Variants in RAP1GAP2 observed in about 807,000 individuals in gnomAD.
The protein encoded by RAP1GAP2 is rap1 GTPase-activating protein 2.
In RAP1GAP2, 27 loss-of-function variants were observed where a neutral mutation model predicts 95.0. That is an observed-to-expected ratio of 0.28 (90% confidence interval 0.21 to 0.39). The LOEUF is 0.39. Among genes scored for constraint, RAP1GAP2 ranks in the 10% least tolerant of loss-of-function variants. The probability of loss-of-function intolerance (pLI) is 1.00; values close to 1 mark genes in which losing one functional copy is unlikely to be tolerated. For missense variants in RAP1GAP2, 771 were observed against 970.0 expected, an observed-to-expected ratio of 0.79 and a Z score of 2.72; for synonymous variants, 373 against 380.9, an observed-to-expected ratio of 0.98 and a Z score of 0.24.
At chr17:3,013,627 C>CT (rs71377568) in intron 17 of RAP1GAP2, among the ~76,000 whole-genome samples, 13,997 of 73,950 alleles carry the variant, frequency 0.19, 1,634 homozygotes, top group East Asian at 0.26. Flanking sequence ...CTTTTCTTTT[C>CT]TTTTCTTTTT....
At chr17:2,759,822 G>A (rs973843350) in intron 1 of RAP1GAP2, among the ~76,000 whole-genome samples, 4 of 152,128 alleles carry the variant, frequency 2.6e-5, no homozygotes, top group African/African-American at 9.7e-5. Flanking sequence ...CCTGGCTCAA[G>A]TGATGCATTT....
Position 2,886,775 on chromosome 17 carries a change from C to G in RAP1GAP2, c.81-18509C>G, listed in dbSNP as rs1294215146. On this transcript the variant is annotated intron_variant, in intron 2 of 24. Coordinates refer to ENST00000254695, the MANE Select transcript of RAP1GAP2 (RefSeq NM_015085.5). ...CCAGTGGCTCAGCACACCAGAGCGGCAGGGGTCGGGGAGTGGGACTGAGGC... is the reference window on the plus strand; with the variant it reads ...CCAGTGGCTCAGCACACCAGAGCGGGAGGGGTCGGGGAGTGGGACTGAGGC... Among the ~76,000 whole-genome samples the G allele has an allele frequency of 3.3e-5, 5 of 152,238 alleles. No individual in the cohort carries two copies. In the East Asian group the frequency reaches 9.7e-4, roughly 29 times the overall value.
At chr17:2,905,229 G>A in intron 2 of RAP1GAP2, 55 bp from the exon 3 acceptor site, 1 of 1,520,734 alleles carries the variant, frequency 6.6e-7, no homozygotes, top group Admixed American at 1.7e-5. Flanking sequence ...ACTCTTGGAG[G>A]AGAGAAGGGA....
In RAP1GAP2 at chr17:2,965,272, C is replaced by G. The variant is rs1409995860; in HGVS notation, c.493-268C>G. 8.4e-6 allele frequency: 4 copies of G among 478,470 alleles called. No individual in the cohort carries two copies. The Admixed American group carries it at 1.4e-4, about 17-fold the overall frequency. 29.6% of individuals were successfully genotyped at this position (478,470 alleles called of 1,614,324 possible). A position where few individuals can be genotyped will look rare whatever the true frequency, so the allele number is the denominator to read the frequency against. ...TTAACCCCCCGACCATTGGTTTTCCCATCTGTGAAATGGGGATGATGTTCT... is the reference window on the plus strand; with the variant it reads ...TTAACCCCCCGACCATTGGTTTTCCGATCTGTGAAATGGGGATGATGTTCT... On this transcript the variant is annotated intron_variant, in intron 7 of 24. Transcript: ENST00000254695. The surrounding 1 kb of genome is among the most constrained non-coding windows in gnomAD (Gnocchi z 4.7).
chr17:2,905,311 T>C lies in RAP1GAP2; in HGVS notation c.108T>C (p.Asp36=), dbSNP rs767023247. The change falls in exon 3 of 25, where the codon GAT becomes GAC. Residue 36 remains aspartate (D), a synonymous_variant. Transcript: ENST00000254695. ...AGCAGGAGCTGGCCAACAGCTCGGA[T>C]GCGACCCTCCCAGACCGGCCGCTCT... ...VKKQELANSS[D]ATLPDRPLSP... 3 of 1,613,852 alleles carry C rather than the reference T, an allele frequency of 1.9e-6. No individual in the cohort carries two copies. In the Admixed American group the frequency reaches 5.0e-5, roughly 27 times the overall value.
intron 19 of RAP1GAP2, among the ~76,000 whole-genome samples, chr17:3,025,738 G>C (rs2151657932): frequency 6.6e-6 from 1 of 152,250 alleles, no homozygotes; most frequent in East Asian, 1.9e-4. Context: ...ATCTGGGCTA[G>C]AGGCCGTCAA....
intron 3 of RAP1GAP2, among the ~76,000 whole-genome samples, chr17:2,916,595 C>G (rs537870374): frequency 1.3e-5 from 2 of 152,120 alleles, no homozygotes; most frequent in Admixed American, 6.6e-5. Context: ...TTCAACAGGT[C>G]GCTTCATCTC....
At position 2,870,275 on chromosome 17, in the gene RAP1GAP2, C is replaced by T. The variant is rs373875707; in HGVS notation, c.81-35009C>T. Among the ~76,000 whole-genome samples, 28 of 152,002 alleles carry T rather than the reference C, an allele frequency of 1.8e-4. 1 individual carries two copies. Among genetic ancestry groups the T allele is most frequent in the Admixed American group, 1.2e-3 (19 of 15,236 alleles). ...GGGATTACAGGCGCCCACCACCACACCTGGCTAATTTTTTTGTATTTTTAG... is the reference window on the plus strand; with the variant it reads ...GGGATTACAGGCGCCCACCACCACATCTGGCTAATTTTTTTGTATTTTTAG... On this transcript the variant is annotated intron_variant, in intron 2 of 24. Transcript: ENST00000254695. This position sits in a 1 kb window ranked among gnomAD's most constrained non-coding sequence, Gnocchi z 4.4.
chr17:2,974,863 A>G lies in RAP1GAP2; in HGVS notation c.597-5424A>G, dbSNP rs181423590. On this transcript the variant is annotated intron_variant, in intron 8 of 24. Transcript: ENST00000254695. ...AAAGAAAGCAAAAAACAAAACATCA[A>G]TTGAAGGTAGGAAAGGAAGAGAAAA... Among the ~76,000 whole-genome samples the G allele has an allele frequency of 4.3e-3, 659 of 152,340 alleles. 6 individuals are homozygous for G. Among genetic ancestry groups the G allele is most frequent in the African/African-American group, 0.015 (612 of 41,572 alleles).
At chr17:2,771,355 G>C (rs115704296) in intron 2 of RAP1GAP2, among the ~76,000 whole-genome samples, 2 of 152,064 alleles carry the variant, frequency 1.3e-5, no homozygotes, top group Admixed American at 1.3e-4. Flanking sequence ...CACTGGACAC[G>C]TATGGCCAGC....
In RAP1GAP2 at chr17:3,018,119, C is replaced by T. The variant is rs374406416; in HGVS notation, c.1553C>T (p.Ser518Leu). The change falls in exon 18 of 25, where the codon TCG becomes TTG. Residue 518 changes from serine to leucine, a missense_variant. Ser to Leu is a moderately radical substitution (Grantham distance 145). Coordinates refer to ENST00000254695, the MANE Select transcript of RAP1GAP2 (RefSeq NM_015085.5). ...METMVGGQKK[S>L]HSGGIPGSLS... Reference sequence around the variant, plus strand: ...ACCATGGTGGGCGGCCAGAAGAAGTCGCACAGTGGGGGCATCCCTGGCAGC... The same window carrying T: ...ACCATGGTGGGCGGCCAGAAGAAGTTGCACAGTGGGGGCATCCCTGGCAGC... 90 of 1,590,432 alleles carry T rather than the reference C, an allele frequency of 5.7e-5. 2 individuals carry two copies. Among genetic ancestry groups the T allele is most frequent in the African/African-American group, 2.8e-4 (21 of 74,298 alleles).
At chr17:2,893,233 G>T (rs756878578) in intron 2 of RAP1GAP2, among the ~76,000 whole-genome samples, 10 of 151,982 alleles carry the variant, frequency 6.6e-5, no homozygotes, top group Non-Finnish European at 1.3e-4. Flanking sequence ...TAGAGACGTG[G>T]TTTCTCCATG....
intron 2 of RAP1GAP2, among the ~76,000 whole-genome samples, chr17:2,834,030 C>T (rs929564055): frequency 5.3e-5 from 8 of 152,104 alleles, no homozygotes; most frequent in East Asian, 1.9e-4. Flanking sequence ...GGTGGACTCT[C>T]GGCCTCTGAA....
chr17:2,922,836 T>G (rs1016667074), intron 3 of RAP1GAP2, among the ~76,000 whole-genome samples: 21 of 150,474 alleles, frequency 1.4e-4, no homozygotes, highest in East Asian at 9.7e-4. Context: ...GTTTTTGTTT[T>G]TTTTTTTTTT....
Position 3,005,426 on chromosome 17 carries a change from C to T in RAP1GAP2, c.1258C>T (p.Pro420Ser), listed in dbSNP as rs2046301597. ...PTFGPPLPSP[P>S]VFQKGPEFRE... ...CTTTGGTCCACCTCTGCCCAGTCCC[C>T]CCGTTTTCCAGAAGGTAGGACACTC... Residue 420 changes from proline to serine, a missense_variant, in exon 15 of 25, where the codon CCC becomes TCC. Physicochemically the swap from Pro to Ser is moderately conservative, Grantham distance 74 (BLOSUM62 -1). Transcript: ENST00000254695. The surrounding 1 kb of genome is among the most constrained non-coding windows in gnomAD (Gnocchi z 5.2). The T allele has an allele frequency of 1.2e-6, 2 of 1,613,494 alleles. No homozygotes were observed. Among genetic ancestry groups the T allele is most frequent in the African/African-American group, 1.3e-5 (1 of 74,918 alleles).
chr17:3,004,223 C>T lies in RAP1GAP2; in HGVS notation c.1201-1146C>T, dbSNP rs535025139. Among the ~76,000 whole-genome samples the T allele has an allele frequency of 5.9e-5, 9 of 152,370 alleles. No homozygotes were observed. The highest frequency in any genetic ancestry group is 2.1e-4 in the South Asian group (1 of 4,834). On this transcript the variant is annotated intron_variant, in intron 14 of 24. Coordinates refer to ENST00000254695, the MANE Select transcript of RAP1GAP2 (RefSeq NM_015085.5). This position sits in a 1 kb window ranked among gnomAD's most constrained non-coding sequence, Gnocchi z 4.1. ...CCAGCCAGAAATCACGTCAGCCGAA[C>T]GCGCACCATTTCCTGACTCGGGGCA...
At position 2,827,962 on chromosome 17, in the gene RAP1GAP2, G is replaced by A. The variant is rs534035057; in HGVS notation, c.80+27412G>A. The stretch of plus-strand genomic sequence containing the variant: ...ACTGCTCCGGCCAGCCCTTCCCTGT[G>A]GGGGAGCCACAAGAGGCCGTCCCTG... On this transcript the variant is annotated intron_variant, in intron 2 of 24. Coordinates refer to ENST00000254695, the MANE Select transcript of RAP1GAP2 (RefSeq NM_015085.5). The surrounding 1 kb of genome is among the most constrained non-coding windows in gnomAD (Gnocchi z 4.1). 6.6e-6 allele frequency among the ~76,000 whole-genome samples: 1 copy of A among 152,332 alleles called. No homozygotes were observed. Among genetic ancestry groups the A allele is most frequent in the Non-Finnish European group, 1.5e-5 (1 of 68,030 alleles).
Position 2,897,295 on chromosome 17 carries a change from GC to G in RAP1GAP2, c.81-7987del, listed in dbSNP as rs1338746985. On this transcript the variant is annotated intron_variant, in intron 2 of 24. Transcript: ENST00000254695. The stretch of plus-strand genomic sequence containing the variant: ...GGAGGCTGCAGTGAGCCGAGATTGT[GC>G]CATTGCACTCCAACCTGGGCAACAA... 2.0e-5 allele frequency among the ~76,000 whole-genome samples: 3 copies of G among 152,144 alleles called. No homozygotes were observed. In the South Asian group the frequency reaches 6.2e-4, roughly 32 times the overall value.
intron 3 of RAP1GAP2, among the ~76,000 whole-genome samples, chr17:2,920,087 C>T (rs889805832): frequency 2.0e-5 from 3 of 151,248 alleles, no homozygotes; most frequent in Admixed American, 6.6e-5. Flanking sequence ...TCACTGCAGC[C>T]TTGACCTTCT....
Sources: allele counts gnomAD v4.1 joint callset (sites outside exome capture counted in the v4.1 genomes callset), GRCh38; gene constraint gnomAD v4.1.1; non-coding constraint Gnocchi (gnomAD v3.1); transcripts MANE v1.5; gene names NCBI Gene and HGNC (gene_info 2026-07-23, HGNC 2026-07-21).